STT3B: variants seen among roughly 807,000 people sequenced by gnomAD.
STT3B encodes dolichyl-diphosphooligosaccharide--protein glycosyltransferase subunit STT3B.
In STT3B, 29 loss-of-function variants were observed where a neutral mutation model predicts 96.8. The observed-to-expected ratio is 0.30, with a 90% CI of 0.22 to 0.41. STT3B has a LOEUF of 0.41. Ranked by LOEUF, STT3B falls within the 10% of genes least tolerant of loss-of-function variation. The pLI is 1.00. For missense variants in STT3B, 640 were observed against 1,022.3 expected, an observed-to-expected ratio of 0.63 and a Z score of 5.10; for synonymous variants, 367 against 360.0, an observed-to-expected ratio of 1.02 and a Z score of -0.22.
intron 1 of STT3B, among the ~76,000 whole-genome samples, chr3:31,555,646 CTT>C (rs1697687401): frequency 6.6e-6 from 1 of 151,830 alleles, no homozygotes; most frequent in Non-Finnish European, 1.5e-5. Flanking sequence ...TTGTCTTGTT[CTT>C]TAGTCTTTTT....
At chr3:31,603,013 T>C (rs1698966029) in intron 5 of STT3B, among the ~76,000 whole-genome samples, 1 of 152,078 alleles carries the variant, frequency 6.6e-6, no homozygotes, top group African/African-American at 2.4e-5. Context: ...TATGGAAGCA[T>C]TGTAAAGTGT....
chr3:31,548,332 A>G (rs1338925464), intron 1 of STT3B, among the ~76,000 whole-genome samples: 1 of 150,980 alleles, frequency 6.6e-6, no homozygotes, highest in Non-Finnish European at 1.5e-5. Flanking sequence ...CATTTAAAAC[A>G]GGGAAAAAAA....
intron 1 of STT3B, among the ~76,000 whole-genome samples, chr3:31,545,055 G>A (rs963165866): frequency 2.6e-5 from 4 of 152,086 alleles, no homozygotes; most frequent in African/African-American, 9.7e-5. Flanking sequence ...GCTAAAGAAG[G>A]CTTTTATTTT....
At chr3:31,630,949 A>G (rs1163519099) in intron 14 of STT3B, among the ~76,000 whole-genome samples, 2 of 151,964 alleles carry the variant, frequency 1.3e-5, no homozygotes, top group Non-Finnish European at 2.9e-5. Flanking sequence ...GGCGGCTGCC[A>G]CCACACCTGG....
At chr3:31,535,680 G>A (rs572199915) in intron 1 of STT3B, among the ~76,000 whole-genome samples, 48 of 152,098 alleles carry the variant, frequency 3.2e-4, no homozygotes, top group Non-Finnish European at 2.9e-4. Flanking sequence ...CCGAGATCGC[G>A]CCACTGCACT....
At position 31,533,245 on chromosome 3, in the gene STT3B, G is replaced by A; in HGVS notation, c.247G>A (p.Ala83Thr). ...SFTILFLAWL[A>T]GFSSRLFAVI... ...CACCATCCTCTTCCTGGCCTGGCTT[G>A]CCGGCTTCAGCTCGCGCCTCTTCGC... The change falls in exon 1 of 16, where the codon GCC (alanine) becomes ACC (threonine). Residue 83 changes from alanine (A) to threonine (T), a missense_variant. Ala to Thr is a moderately conservative substitution (Grantham distance 58). This residue lies in a region of STT3B where 267 missense variants were observed against 388.3 expected (regional missense o/e 0.69). Transcript: ENST00000295770. The A allele has an allele frequency of 1.3e-6, 2 of 1,504,060 alleles. No homozygotes were observed. Among genetic ancestry groups the A allele is most frequent in the Non-Finnish European group, 1.8e-6 (2 of 1,125,110 alleles). The allele number at this position is 1,504,060 out of a possible 1,614,324, so 93.2% of individuals were successfully genotyped here. A position where few individuals can be genotyped will look rare whatever the true frequency, so the allele number is the denominator to read the frequency against.
chr3:31,569,126 T>C (rs1698078390), intron 1 of STT3B, among the ~76,000 whole-genome samples: 1 of 152,030 alleles, frequency 6.6e-6, no homozygotes, highest in African/African-American at 2.4e-5. Flanking sequence ...CCGCCTGCCT[T>C]AGCCTCCTGA....
At chr3:31,595,661 A>G (rs1011794745) in intron 3 of STT3B, among the ~76,000 whole-genome samples, 1 of 152,192 alleles carries the variant, frequency 6.6e-6, no homozygotes, top group Non-Finnish European at 1.5e-5. Context: ...TGATGGTCAT[A>G]GTTTCTATGA....
chr3:31,628,180 A>G (rs552438923), intron 13 of STT3B, among the ~76,000 whole-genome samples: 1 of 149,002 alleles, frequency 6.7e-6, no homozygotes, highest in Non-Finnish European at 1.5e-5. Flanking sequence ...AACATGGTGT[A>G]CACCATAAAT....
At chr3:31,617,506 A>G (rs1299568953) in intron 7 of STT3B, among the ~76,000 whole-genome samples, 3 of 151,988 alleles carry the variant, frequency 2.0e-5, no homozygotes, top group Non-Finnish European at 2.9e-5. Flanking sequence ...TGTCAAATTA[A>G]TGTAAAAGCC....
chr3:31,584,290 G>A (rs1698486995), intron 3 of STT3B, among the ~76,000 whole-genome samples: 1 of 152,148 alleles, frequency 6.6e-6, no homozygotes. Flanking sequence ...TGTATGTTGT[G>A]TCTTTATGCC....
chr3:31,569,673 A>T (rs978969415), intron 1 of STT3B, among the ~76,000 whole-genome samples: 4 of 152,090 alleles, frequency 2.6e-5, no homozygotes, highest in Admixed American at 1.3e-4. Context: ...AAGAAGGAGG[A>T]TATATGTGAG....
chr3:31,547,338 C>T (rs1304919729), intron 1 of STT3B, among the ~76,000 whole-genome samples: 1 of 152,106 alleles, frequency 6.6e-6, no homozygotes, highest in Non-Finnish European at 1.5e-5. Context: ...AATTAATATT[C>T]AAATGTTTGC....
At chr3:31,597,410 G>A (rs192472893) in intron 4 of STT3B, among the ~76,000 whole-genome samples, 1 of 151,662 alleles carries the variant, frequency 6.6e-6, no homozygotes, top group Non-Finnish European at 1.5e-5. Context: ...TGCTGGCCTC[G>A]GCCTCCCAAA....
At chr3:31,623,633 A>G (rs1231644677) in intron 10 of STT3B, 41 bp from the exon 11 acceptor site, 1 of 1,483,328 alleles carries the variant, frequency 6.7e-7, no homozygotes, top group Admixed American at 2.0e-5. Context: ...GAAGCAAGTC[A>G]AATAATGAAT....
chr3:31,534,388 CGAGTTAGGATTTTTCCCCCT>C (rs1211634030), intron 1 of STT3B, among the ~76,000 whole-genome samples: 2 of 152,108 alleles, frequency 1.3e-5, no homozygotes, highest in Non-Finnish European at 2.9e-5. Flanking sequence ...TTGCCCAACC[CGAGTTAGGATTTTTCCCCCT>C]GAGTTAGGAT....
chr3:31,552,210 C>T (rs952543199), intron 1 of STT3B, among the ~76,000 whole-genome samples: 1 of 152,196 alleles, frequency 6.6e-6, no homozygotes, highest in Non-Finnish European at 1.5e-5. Flanking sequence ...AATACAAATA[C>T]CCTTCGTAAA....
intron 5 of STT3B, among the ~76,000 whole-genome samples, chr3:31,604,597 T>G (rs1699006175): frequency 6.6e-6 from 1 of 152,230 alleles, no homozygotes; most frequent in Non-Finnish European, 1.5e-5. Flanking sequence ...CTAGCCATTA[T>G]GATACAAAGA....
At chr3:31,562,652 C>T (rs1004799960) in intron 1 of STT3B, among the ~76,000 whole-genome samples, 2 of 152,102 alleles carry the variant, frequency 1.3e-5, no homozygotes, top group Non-Finnish European at 2.9e-5. Context: ...AACTTGGGGG[C>T]GGGGCATGGG....
Sources: allele counts gnomAD v4.1 joint callset (sites outside exome capture counted in the v4.1 genomes callset), GRCh38; gene constraint gnomAD v4.1.1; regional missense constraint gnomAD v4.1.1; transcripts MANE v1.5; gene names NCBI Gene and HGNC (gene_info 2026-07-23, HGNC 2026-07-21).